NOD2: variants seen among roughly 807,000 people sequenced by gnomAD.
NOD2 encodes the protein nucleotide binding oligomerization domain containing 2.
A neutral mutation model predicts 90.9 loss-of-function variants in NOD2; 86 were observed. The ratio of observed to expected loss-of-function variants is 0.95; its 90% CI spans 0.79 to 1.13. NOD2 has a LOEUF of 1.13. Among genes scored for constraint, NOD2 ranks in the 50% most tolerant of loss-of-function variants. The probability of loss-of-function intolerance (pLI) is 0.00; values close to 1 mark genes in which losing one functional copy is unlikely to be tolerated. For synonymous variants in NOD2, 581 were observed against 554.6 expected, an observed-to-expected ratio of 1.05 and a Z score of -0.67; for missense variants, 1,238 against 1,283.8, an observed-to-expected ratio of 0.96 and a Z score of 0.55.
At chr16:50,706,680 G>A (rs577469562) in intron 2 of NOD2, among the ~76,000 whole-genome samples, 24 of 151,318 alleles carry the variant, frequency 1.6e-4, no homozygotes, top group Non-Finnish European at 2.2e-4. Flanking sequence ...AGAATGAAAC[G>A]TACCTTGCTA....
At chr16:50,706,224 G>A (rs1178910559) in intron 2 of NOD2, among the ~76,000 whole-genome samples, 2 of 152,202 alleles carry the variant, frequency 1.3e-5, no homozygotes, top group Non-Finnish European at 2.9e-5. Context: ...GATGCTGAGT[G>A]GAGTAAGAGG....
At chr16:50,720,125 G>T in intron 7 of NOD2, 117 bp downstream of exon 7, 1 of 875,246 alleles carries the variant, frequency 1.1e-6, no homozygotes, top group South Asian at 1.5e-5. Flanking sequence ...CTCCAGTGGG[G>T]AGGACAAGCC....
At position 50,719,968 on chromosome 16, in the gene NOD2, G is replaced by C; in HGVS notation, c.2593G>C (p.Ala865Pro). The change falls in exon 7 of 12, where the codon GCC (alanine) becomes CCC (proline). Residue 865 changes from alanine to proline, a missense_variant. By Grantham distance (27) the Ala-to-Pro change is conservative. Around this residue, in one of 3 missense-constraint regions of NOD2, gnomAD observed 667 missense variants for 688.7 expected, o/e 0.97. Transcript: ENST00000647318. ...YITAAGAQVL[A>P]EGLRGNTSLQ... ...CACTGCCGCGGGAGCCCAAGTGCTGGCCGAGGGGCTCCGAGGCAACACCTC... is the reference window on the plus strand; with the variant it reads ...CACTGCCGCGGGAGCCCAAGTGCTGCCCGAGGGGCTCCGAGGCAACACCTC... 1 of 1,614,180 alleles carries C rather than the reference G, an allele frequency of 6.2e-7. No individual in the cohort carries two copies. Among genetic ancestry groups the C allele is most frequent in the Non-Finnish European group, 8.5e-7 (1 of 1,180,016 alleles).
chr16:50,703,984 T>C (rs1964065000), intron 2 of NOD2, among the ~76,000 whole-genome samples: 1 of 152,204 alleles, frequency 6.6e-6, no homozygotes, highest in Non-Finnish European at 1.5e-5. Context: ...CCAAAGGCTA[T>C]TATAGCTCAC....
intron 3 of NOD2, among the ~76,000 whole-genome samples, chr16:50,709,165 T>C (rs1285595287): frequency 6.6e-6 from 1 of 152,122 alleles, no homozygotes; most frequent in East Asian, 1.9e-4. Flanking sequence ...AAGATATCTA[T>C]CTTATGGTCT....
intron 2 of NOD2, among the ~76,000 whole-genome samples, chr16:50,707,569 C>T (rs1964255333): frequency 6.6e-6 from 1 of 152,198 alleles, no homozygotes; most frequent in Non-Finnish European, 1.5e-5. Context: ...CCTGCAGAAT[C>T]ATTTTCCCTA....
At chr16:50,708,007 C>T in intron 3 of NOD2, 47 bp downstream of exon 3, 3 of 1,305,152 alleles carry the variant, frequency 2.3e-6, no homozygotes, top group Non-Finnish European at 3.3e-6. Context: ...GCAGTCAGTG[C>T]AGATCCATGG....
intron 2 of NOD2, among the ~76,000 whole-genome samples, chr16:50,701,548 T>C (rs2150786051): frequency 6.6e-6 from 1 of 152,386 alleles, no homozygotes; most frequent in South Asian, 2.1e-4. Context: ...ATATTCGTTA[T>C]TGGACTGACC....
chr16:50,729,328 G>A (rs1965372760), intron 10 of NOD2, among the ~76,000 whole-genome samples: 2 of 152,118 alleles, frequency 1.3e-5, no homozygotes, highest in Admixed American at 6.5e-5. Flanking sequence ...GAGGTAATGG[G>A]GGACTGGTGG....
rs762288696 is a variant in NOD2, at chr16:50,725,586, A to T, written c.2885+14A>T. On this transcript the variant is annotated intron_variant, in intron 10 of 11. Coordinates refer to ENST00000647318, the MANE Select transcript of NOD2 (RefSeq NM_001370466.1). ...GAAAATCCTGAAGTAAGGAACCCAT[A>T]AGCAGGAAACAGGACAATAATTGCT... 1 of 1,600,892 alleles carries T rather than the reference A, an allele frequency of 6.2e-7. No individual in the cohort carries two copies. Among genetic ancestry groups the T allele is most frequent in the South Asian group, 1.1e-5 (1 of 90,786 alleles).
Position 50,723,317 on chromosome 16 carries a change from A to T in NOD2, c.2734A>T (p.Ile912Phe). Residue 912 changes from isoleucine to phenylalanine, a missense_variant, in exon 9 of 12, where the codon ATT becomes TTT. Ile to Phe is a conservative substitution (Grantham distance 21, BLOSUM62 0). This residue lies in a region of NOD2 where 667 missense variants were observed against 688.7 expected (regional missense o/e 0.97). Coordinates refer to ENST00000647318, the MANE Select transcript of NOD2 (RefSeq NM_001370466.1). ...LRWLSLVGNN[I>F]GSVGAQALAL... ...TACCTCCAGCCTGGTGGGGAACAACATTGGCAGTGTGGGTGCCCAAGCCTT... is the reference window on the plus strand; with the variant it reads ...TACCTCCAGCCTGGTGGGGAACAACTTTGGCAGTGTGGGTGCCCAAGCCTT... 3 of 1,613,824 alleles carry T rather than the reference A, an allele frequency of 1.9e-6. No homozygotes were observed. In the African/African-American group the frequency reaches 4.0e-5, roughly 22 times the overall value.
chr16:50,714,242 C>G (rs549286831), intron 4 of NOD2, among the ~76,000 whole-genome samples: 1 of 152,212 alleles, frequency 6.6e-6, no homozygotes, highest in East Asian at 1.9e-4. Context: ...CTCTGGGAAA[C>G]CTGTGGGTCT....
chr16:50,709,695 C>T (rs1964371516), intron 3 of NOD2, among the ~76,000 whole-genome samples: 1 of 152,170 alleles, frequency 6.6e-6, no homozygotes, highest in Non-Finnish European at 1.5e-5. Flanking sequence ...ATCTCCCCAT[C>T]TCGAAGTTTA....
intron 10 of NOD2, 85 bp from the exon 11 acceptor site, chr16:50,729,733 C>A (rs949801441): frequency 4.3e-6 from 5 of 1,152,612 alleles, no homozygotes; most frequent in Non-Finnish European, 6.5e-6. Flanking sequence ...AGTAGACTGG[C>A]TAACTCCTGC....
chr16:50,699,798 C>T lies in NOD2; in HGVS notation c.303C>T (p.Leu101=). 1 of 1,613,770 alleles carries T rather than the reference C, an allele frequency of 6.2e-7. No individual in the cohort carries two copies. Among genetic ancestry groups the T allele is most frequent in the Non-Finnish European group, 8.5e-7 (1 of 1,180,042 alleles). ...KLHGCWDPHS[L]HPARDLQSHR... ...ATGGCTGCTGGGACCCCCACTCGCT[C>T]CACCCAGCCCGAGACCTGCAGAGTC... Residue 101 remains leucine (L), a synonymous_variant, in exon 2 of 12, where the codon CTC becomes CTT. Transcript: ENST00000647318.
chr16:50,725,381 T>G, intron 9 of NOD2, 108 bp from the exon 10 acceptor site: 6 of 801,872 alleles, frequency 7.5e-6, no homozygotes, highest in Admixed American at 1.8e-5. Flanking sequence ...TCTTTATCCA[T>G]GAGTTTGGGT....
chr16:50,716,275 TATC>T (rs1964789903), intron 4 of NOD2, among the ~76,000 whole-genome samples: 1 of 152,218 alleles, frequency 6.6e-6, no homozygotes, highest in Admixed American at 6.5e-5. Context: ...CTGCTGTGAT[TATC>T]ATGTTCCTTT....
chr16:50,731,537 CAG>C (rs1965453134), intron 11 of NOD2, among the ~76,000 whole-genome samples: 1 of 152,150 alleles, frequency 6.6e-6, no homozygotes, highest in African/African-American at 2.4e-5. Flanking sequence ...ACTCTCTCTG[CAG>C]AGTCATGGAG....
chr16:50,726,999 G>A (rs1965287631), intron 10 of NOD2, among the ~76,000 whole-genome samples: 1 of 152,024 alleles, frequency 6.6e-6, no homozygotes, highest in African/African-American at 2.4e-5. Context: ...AATTAGCCGG[G>A]CGTGGTGGCA....
Sources: allele counts gnomAD v4.1 joint callset (sites outside exome capture counted in the v4.1 genomes callset), GRCh38; gene constraint gnomAD v4.1.1; regional missense constraint gnomAD v4.1.1; transcripts MANE v1.5; gene names NCBI Gene and HGNC (gene_info 2026-07-23, HGNC 2026-07-21).